HKDC1: variants seen among roughly 807,000 people sequenced by gnomAD.
HKDC1 encodes the protein hexokinase domain containing 1, also known as hexokinase HKDC1.
Under a neutral mutation model 96.6 loss-of-function variants are expected in HKDC1, and 66 were observed. The observed-to-expected ratio is 0.68, with a 90% CI of 0.56 to 0.84. The LOEUF (loss-of-function observed/expected upper bound fraction) is 0.84. Ranked by LOEUF, HKDC1 falls within the 40% of genes least tolerant of loss-of-function variation. The probability of loss-of-function intolerance (pLI) is 0.00; values close to 1 mark genes in which losing one functional copy is unlikely to be tolerated. For synonymous variants in HKDC1, 466 were observed against 473.1 expected, an observed-to-expected ratio of 0.98 and a Z score of 0.20; for missense variants, 1,211 against 1,208.1, an observed-to-expected ratio of 1.00 and a Z score of -0.04.
chr10:69,221,471 CA>C (rs1486719373), intron 1 of HKDC1, among the ~76,000 whole-genome samples: 1 of 151,988 alleles, frequency 6.6e-6, no homozygotes, highest in East Asian at 1.9e-4. Context: ...CGGCCCTGGG[CA>C]AAAAGCATCT....
chr10:69,252,469 C>A (rs901509985), intron 12 of HKDC1, among the ~76,000 whole-genome samples: 1 of 151,914 alleles, frequency 6.6e-6, no homozygotes, highest in Non-Finnish European at 1.5e-5. Context: ...CATGGTGAAA[C>A]CCCGTCTCTA....
chr10:69,224,476 G>T (rs1227549885), intron 1 of HKDC1, among the ~76,000 whole-genome samples: 1 of 151,970 alleles, frequency 6.6e-6, no homozygotes, highest in Non-Finnish European at 1.5e-5. Flanking sequence ...TAGAGACATG[G>T]TTTCACCAGC....
At chr10:69,228,164 CCTT>C (rs1378248652) in intron 2 of HKDC1, among the ~76,000 whole-genome samples, 1 of 152,142 alleles carries the variant, frequency 6.6e-6, no homozygotes, top group Non-Finnish European at 1.5e-5. Context: ...GAATCTGTTT[CCTT>C]AACTTTTCCA....
chr10:69,228,461 G>A (rs2132333981), intron 2 of HKDC1, among the ~76,000 whole-genome samples: 1 of 152,208 alleles, frequency 6.6e-6, no homozygotes, highest in Non-Finnish European at 1.5e-5. Context: ...CTTTGTTGGG[G>A]GTGGGGGACA....
At chr10:69,258,255 G>A (rs1843750426) in intron 14 of HKDC1, among the ~76,000 whole-genome samples, 1 of 152,144 alleles carries the variant, frequency 6.6e-6, no homozygotes, top group Non-Finnish European at 1.5e-5. Context: ...AGAGCAAAGA[G>A]GTGAGGCCTG....
chr10:69,251,643 C>T (rs1367117174), intron 12 of HKDC1, among the ~76,000 whole-genome samples: 1 of 152,058 alleles, frequency 6.6e-6, no homozygotes, highest in Non-Finnish European at 1.5e-5. Context: ...TAATTTAGGT[C>T]TTCTTTATTT....
intron 5 of HKDC1, 87 bp downstream of exon 5, chr10:69,239,224 T>TCA (rs1336361108): frequency 2.3e-6 from 2 of 868,542 alleles, no homozygotes; most frequent in Non-Finnish European, 3.8e-6. Context: ...GGTGAGGGGG[T>TCA]CACATATGGT....
intron 1 of HKDC1, chr10:69,222,758 T>C (rs954912344): frequency 6.6e-6 from 1 of 152,198 alleles, no homozygotes; most frequent in African/African-American, 2.4e-5. Flanking sequence ...AGCACTTTTA[T>C]AGCCACCTTA....
At chr10:69,229,117 G>A (rs1843207555) in intron 2 of HKDC1, among the ~76,000 whole-genome samples, 1 of 152,226 alleles carries the variant, frequency 6.6e-6, no homozygotes, top group South Asian at 2.1e-4. Context: ...AACCACCAAG[G>A]ACCAAGGGGT....
intron 7 of HKDC1, among the ~76,000 whole-genome samples, chr10:69,244,530 T>A (rs1332951311): frequency 2.6e-5 from 4 of 152,194 alleles, no homozygotes; most frequent in Non-Finnish European, 4.4e-5. Context: ...ATAAATTCTA[T>A]TCCTTCCAGG....
At chr10:69,252,039 C>T (rs548435615) in intron 12 of HKDC1, among the ~76,000 whole-genome samples, 5 of 152,114 alleles carry the variant, frequency 3.3e-5, no homozygotes, top group African/African-American at 4.8e-5. Flanking sequence ...GGATTACAGG[C>T]GTGAGCCACT....
At chr10:69,236,939 C>T (rs138839632) in intron 4 of HKDC1, among the ~76,000 whole-genome samples, 185 of 152,172 alleles carry the variant, frequency 1.2e-3, no homozygotes, top group African/African-American at 4.3e-3. Flanking sequence ...AAACTCATTC[C>T]TGATAATATT....
In HKDC1 at chr10:69,243,294, G is replaced by T. The variant is rs759512433; in HGVS notation, c.804G>T (p.Gly268=). The T allele has an allele frequency of 6.2e-7, 1 of 1,613,654 alleles. No individual in the cohort carries two copies. Among genetic ancestry groups the T allele is most frequent in the Non-Finnish European group, 8.5e-7 (1 of 1,179,836 alleles). The part of the protein sequence containing the change: ...NTEWGAFGDD[G]ALEDIRTEFD... ...AGTGGGGGGCCTTCGGGGACGACGG[G>T]GCCCTGGAGGACATTCGCACTGAGT... The change falls in exon 7 of 18, where the codon GGG becomes GGT. Residue 268 remains glycine (G), a synonymous_variant. Coordinates refer to ENST00000354624, the MANE Select transcript of HKDC1 (RefSeq NM_025130.4).
chr10:69,227,507 G>A (rs112117615), intron 2 of HKDC1, 138 bp downstream of exon 2: 6 of 889,682 alleles, frequency 6.7e-6, no homozygotes, highest in African/African-American at 3.6e-5. Flanking sequence ...GCCCCTCTCT[G>A]CTTCAGTCCT....
At position 69,243,309 on chromosome 10, in the gene HKDC1, TC is replaced by T; in HGVS notation, c.820del (p.Arg274AlafsTer23). The T allele has an allele frequency of 6.2e-7, 1 of 1,613,062 alleles. No individual in the cohort carries two copies. The highest frequency in any genetic ancestry group is 8.5e-7 in the Non-Finnish European group (1 of 1,179,486). ...GGGACGACGGGGCCCTGGAGGACATTCGCACTGAGTTCGACAGGGAGCTGGA... is the reference window on the plus strand; with the variant it reads ...GGGACGACGGGGCCCTGGAGGACATTGCACTGAGTTCGACAGGGAGCTGGA... ...FGDDGALEDI[R>X]TEFDRELDLG... On this transcript the variant is annotated frameshift_variant, in exon 7 of 18. Transcript: ENST00000354624. LOFTEE classifies it high-confidence loss of function.
intron 4 of HKDC1, among the ~76,000 whole-genome samples, chr10:69,235,458 CAAA>C (rs1843346498): frequency 2.6e-5 from 1 of 39,212 alleles, no homozygotes; most frequent in Non-Finnish European, 4.2e-5. Context: ...AACAAGCAAA[CAAA>C]AAACAAACAA....
chr10:69,226,665 A>G, intron 1 of HKDC1, among the ~76,000 whole-genome samples: 1 of 150,790 alleles, frequency 6.6e-6, no homozygotes, highest in East Asian at 1.9e-4. Context: ...AAAAAAAAAA[A>G]GGAGGGAAAT....
In HKDC1 at chr10:69,250,514, G is replaced by A. The variant is rs369061686; in HGVS notation, c.1717-19G>A. On this transcript the variant is annotated intron_variant, in intron 11 of 17. Transcript: ENST00000354624. ...TCGATGTCCGCCTGGTGTGAATGCC[G>A]CTCTCTCTCTCTCTGCAGCTCTTTG... 22 of 1,593,642 alleles carry A rather than the reference G, an allele frequency of 1.4e-5. No homozygotes were observed. Among genetic ancestry groups the A allele is most frequent in the Admixed American group, 1.2e-4 (7 of 59,238 alleles).
At chr10:69,260,370 G>T (rs1252650738) in intron 15 of HKDC1, among the ~76,000 whole-genome samples, 1 of 152,212 alleles carries the variant, frequency 6.6e-6, no homozygotes, top group Non-Finnish European at 1.5e-5. Context: ...TGAATCCCAA[G>T]TTGGGGCACC....
Sources: allele counts gnomAD v4.1 joint callset (sites outside exome capture counted in the v4.1 genomes callset), GRCh38; gene constraint gnomAD v4.1.1; transcripts MANE v1.5; gene names NCBI Gene and HGNC (gene_info 2026-07-23, HGNC 2026-07-21).